The following MPPED1 variants were observed in gnomAD, a reference collection of about 807,000 sequenced individuals.
The protein encoded by MPPED1 is metallophosphoesterase domain containing 1.
In MPPED1, 16 loss-of-function variants were observed where a neutral mutation model predicts 36.2. That is an observed-to-expected ratio of 0.44 (90% CI 0.30 to 0.67). MPPED1 has a LOEUF of 0.67. Among genes scored for constraint, MPPED1 ranks in the 30% least tolerant of loss-of-function variants. MPPED1 has a pLI of 0.10. For synonymous variants in MPPED1, 199 were observed against 191.3 expected (o/e 1.04, Z -0.33); for missense variants, 307 against 453.4 (o/e 0.68, Z 2.93).
chr22:43,481,015 G>T (rs1203208518), intron 4 of MPPED1, among the ~76,000 whole-genome samples: 7 of 151,970 alleles, frequency 4.6e-5, no homozygotes, highest in African/African-American at 1.7e-4. Context: ...TAGAGACAGG[G>T]TTTCACCATG....
chr22:43,415,318 T>C (rs1929043410), intron 1 of MPPED1, among the ~76,000 whole-genome samples: 1 of 147,536 alleles, frequency 6.8e-6, no homozygotes, highest in Admixed American at 6.8e-5. Context: ...GGAGGAAAGG[T>C]ATAAATTGCT....
chr22:43,504,917 GTGA>G (rs1932778889), intron 6 of MPPED1, among the ~76,000 whole-genome samples: 1 of 150,874 alleles, frequency 6.6e-6, no homozygotes, highest in Non-Finnish European at 1.5e-5. Flanking sequence ...CATGGTGATA[GTGA>G]TGATGATGGC....
chr22:43,449,021 G>T (rs564786630), intron 3 of MPPED1, among the ~76,000 whole-genome samples: 4 of 152,010 alleles, frequency 2.6e-5, no homozygotes, highest in African/African-American at 9.6e-5. Context: ...TTTCCAAGAC[G>T]GTTTTGATAT....
At chr22:43,428,270 G>C (rs970627495) in intron 2 of MPPED1, among the ~76,000 whole-genome samples, 4 of 152,188 alleles carry the variant, frequency 2.6e-5, no homozygotes, top group Non-Finnish European at 5.9e-5. Context: ...CACCACCTCC[G>C]GCAGAGGGGA....
chr22:43,444,140 T>C (rs1411302083), intron 3 of MPPED1, among the ~76,000 whole-genome samples: 1 of 152,180 alleles, frequency 6.6e-6, no homozygotes, highest in Non-Finnish European at 1.5e-5. Flanking sequence ...TCTAGAATTC[T>C]AAGTTGTAGT....
At chr22:43,444,358 A>C in intron 3 of MPPED1, among the ~76,000 whole-genome samples, 1 of 128,084 alleles carries the variant, frequency 7.8e-6, no homozygotes, top group East Asian at 2.2e-4. Flanking sequence ...TTTTCTTTCT[A>C]TCTATCTTTT....
At chr22:43,493,265 C>G (rs1388961821) in intron 4 of MPPED1, among the ~76,000 whole-genome samples, 1 of 152,228 alleles carries the variant, frequency 6.6e-6, no homozygotes, top group Non-Finnish European at 1.5e-5. Context: ...AGTCCAGGAC[C>G]TGCCAGCATA....
intron 5 of MPPED1, among the ~76,000 whole-genome samples, chr22:43,499,310 A>G (rs1932540681): frequency 7.5e-5 from 6 of 80,472 alleles, no homozygotes; most frequent in Admixed American, 1.5e-4. Context: ...TGGTGGTGAT[A>G]GAAGTGGTGA....
intron 4 of MPPED1, among the ~76,000 whole-genome samples, chr22:43,476,404 C>T (rs551898668): frequency 7.9e-5 from 12 of 152,012 alleles, no homozygotes; most frequent in Admixed American, 2.6e-4. Flanking sequence ...GGAGGAGTAA[C>T]GTGGCCTGAG....
chr22:43,422,641 G>A (rs1929315828), intron 1 of MPPED1, among the ~76,000 whole-genome samples: 1 of 152,042 alleles, frequency 6.6e-6, no homozygotes, highest in Non-Finnish European at 1.5e-5. Context: ...TGACACCCTC[G>A]TACCAAGGGT....
intron 1 of MPPED1, among the ~76,000 whole-genome samples, chr22:43,414,003 C>T (rs6003190): frequency 0.025 from 3,812 of 152,248 alleles, 67 homozygotes; most frequent in Middle Eastern, 0.048. Context: ...GATGTAACCA[C>T]CCCGTGGTAC....
At chr22:43,488,050 G>A (rs1210713348) in intron 4 of MPPED1, among the ~76,000 whole-genome samples, 1 of 152,176 alleles carries the variant, frequency 6.6e-6, no homozygotes, top group Admixed American at 6.5e-5. Context: ...CTCAGTTTCT[G>A]CATCTGTAGA....
intron 1 of MPPED1, among the ~76,000 whole-genome samples, chr22:43,421,995 G>A (rs1321059117): frequency 1.3e-5 from 2 of 152,200 alleles, no homozygotes; most frequent in Admixed American, 6.5e-5. Flanking sequence ...GGGTCACAGA[G>A]CTGCTGGGGG....
intron 3 of MPPED1, among the ~76,000 whole-genome samples, chr22:43,460,289 A>T (rs1930910860): frequency 7.6e-6 from 1 of 131,882 alleles, no homozygotes; most frequent in Non-Finnish European, 1.7e-5. Flanking sequence ...CCAAAGCAAA[A>T]CAAAACAAAA....
intron 1 of MPPED1, chr22:43,417,843 G>A (rs1929128664): frequency 5.9e-6 from 2 of 339,512 alleles, no homozygotes; most frequent in African/African-American, 2.2e-5. Flanking sequence ...CTATTCAGTC[G>A]CTCCTACTCT....
At chr22:43,499,401 G>C (rs963101114) in intron 5 of MPPED1, among the ~76,000 whole-genome samples, 3 of 141,934 alleles carry the variant, frequency 2.1e-5, no homozygotes, top group African/African-American at 7.6e-5. Context: ...TGGATGTGAT[G>C]GTGGTGGTGA....
Position 43,500,253 on chromosome 22 carries a change from A to G in MPPED1, c.748+1903A>G, listed in dbSNP as rs1290130307. On this transcript the variant is annotated intron_variant, in intron 5 of 6. Coordinates refer to ENST00000443721, the MANE Select transcript of MPPED1 (RefSeq NM_001044370.2). ...GGTGGTGATGGAGGTGGCAGTGATG[A>G]TGGTGGTGATGGTGATGGAGGTGGC... is the stretch of plus-strand genomic sequence containing the variant. 3.2e-4 allele frequency among the ~76,000 whole-genome samples: 14 copies of G among 43,956 alleles called. 2 individuals are homozygous for G. The highest frequency in any genetic ancestry group is 8.4e-4 in the African/African-American group (7 of 8,364). The allele number at this position is 43,956 out of a possible 152,430, so 28.8% of individuals were successfully genotyped here.
chr22:43,444,191 T>C (rs1930248818), intron 3 of MPPED1, among the ~76,000 whole-genome samples: 1 of 152,102 alleles, frequency 6.6e-6, no homozygotes. Context: ...ATTTTCATGT[T>C]AATGTATAAA....
intron 2 of MPPED1, among the ~76,000 whole-genome samples, chr22:43,432,686 AGAG>A: frequency 6.3e-5 from 3 of 47,314 alleles, no homozygotes; most frequent in African/African-American, 2.6e-4. Flanking sequence ...GAGGAGAGAG[AGAG>A]AAAGGGAGGA....
Sources: allele counts gnomAD v4.1 joint callset (sites outside exome capture counted in the v4.1 genomes callset), GRCh38; gene constraint gnomAD v4.1.1; transcripts MANE v1.5; gene names NCBI Gene and HGNC (gene_info 2026-07-23, HGNC 2026-07-21).